SOX6: variants seen among roughly 807,000 people sequenced by gnomAD.
SOX6 encodes the protein transcription factor SOX-6.
A neutral mutation model predicts 97.8 loss-of-function variants in SOX6; 11 were observed. The ratio of observed to expected loss-of-function variants is 0.11; its 90% CI spans 0.07 to 0.19. The LOEUF (loss-of-function observed/expected upper bound fraction) is 0.19. SOX6 is among the 10% of genes least tolerant of loss of function. SOX6 has a pLI of 1.00. For synonymous variants in SOX6, 360 were observed against 371.4 expected (o/e 0.97, Z 0.35); for missense variants, 810 against 1,039.5 (o/e 0.78, Z 3.04).
intron 4 of SOX6, among the ~76,000 whole-genome samples, chr11:16,196,658 C>CT (rs369841668): frequency 3.6e-3 from 539 of 151,088 alleles, no homozygotes; most frequent in Middle Eastern, 0.01. Context: ...CTGTCATACT[C>CT]TTTTTTTTTC....
chr11:16,715,015 A>T (rs945318787), intron 2 of SOX6: 1 of 152,202 alleles, frequency 6.6e-6, no homozygotes, highest in Admixed American at 6.5e-5. Flanking sequence ...TTATTAGAGT[A>T]CATTACAGTG....
intron 9 of SOX6, among the ~76,000 whole-genome samples, chr11:16,079,947 C>T (rs1003021489): frequency 1.3e-5 from 2 of 151,916 alleles, no homozygotes; most frequent in Non-Finnish European, 2.9e-5. Context: ...AATAAGCATA[C>T]AATGTGCTTT....
At chr11:16,027,320 A>C (rs1304064624) in intron 12 of SOX6, among the ~76,000 whole-genome samples, 2 of 152,204 alleles carry the variant, frequency 1.3e-5, no homozygotes, top group African/African-American at 4.8e-5. Flanking sequence ...ATGGAGAAGT[A>C]TATATTAACA....
intron 4 of SOX6, chr11:16,484,283 T>A: frequency 9.0e-7 from 1 of 1,115,146 alleles, no homozygotes; most frequent in Admixed American, 1.7e-5. Flanking sequence ...GGGAACCACA[T>A]TGCCCGACTC....
chr11:16,680,548 A>C (rs531522460), intron 3 of SOX6, among the ~76,000 whole-genome samples: 4 of 152,340 alleles, frequency 2.6e-5, no homozygotes, highest in African/African-American at 9.6e-5. Flanking sequence ...AAACGGCATC[A>C]ATTAATGGCC....
intron 8 of SOX6, 88 bp from the exon 9 acceptor site, chr11:16,096,206 G>T: frequency 6.9e-7 from 1 of 1,450,570 alleles, no homozygotes; most frequent in Non-Finnish European, 9.5e-7. Flanking sequence ...TAAATCCAGG[G>T]TATTGACCAC....
At chr11:16,534,222 GA>G (rs1377184897) in intron 4 of SOX6, among the ~76,000 whole-genome samples, 3 of 151,980 alleles carry the variant, frequency 2.0e-5, no homozygotes, top group Non-Finnish European at 4.4e-5. Context: ...TCTTCATATA[GA>G]AAAACCTAGA....
At position 16,356,326 on chromosome 11, in the gene SOX6, TG is replaced by T. The variant is rs1477581383; in HGVS notation, c.-238del. Among the ~76,000 whole-genome samples, 1 of 151,846 alleles carries T rather than the reference TG, an allele frequency of 6.6e-6. No homozygotes were observed. Among genetic ancestry groups the T allele is most frequent in the Non-Finnish European group, 1.5e-5 (1 of 67,972 alleles). On this transcript the variant is annotated 5_prime_UTR_variant, in exon 1 of 16. Transcript: ENST00000683767. ...ACATCTAATTTGCTAAACAAAACACTGTTAACTTTGTTCAACAATTAAAGGA... is the reference window on the plus strand; with the variant it reads ...ACATCTAATTTGCTAAACAAAACACTTTAACTTTGTTCAACAATTAAAGGA...
chr11:16,319,359 C>CT (rs1332609272), intron 2 of SOX6, among the ~76,000 whole-genome samples: 1 of 152,050 alleles, frequency 6.6e-6, no homozygotes, highest in African/African-American at 2.4e-5. Context: ...TTAAAAATGT[C>CT]TTTTTTTAGT....
chr11:16,402,154 C>G (rs1480373103), intron 1 of SOX6, among the ~76,000 whole-genome samples: 3 of 151,484 alleles, frequency 2.0e-5, no homozygotes, highest in Non-Finnish European at 4.4e-5. Context: ...TGTATTCACT[C>G]TTTTTCTATT....
chr11:16,550,343 A>G (rs1847668866), intron 4 of SOX6, among the ~76,000 whole-genome samples: 1 of 152,272 alleles, frequency 6.6e-6, no homozygotes, highest in Admixed American at 6.5e-5. Context: ...GAGGGATAGC[A>G]TTAGGAGATA....
At chr11:16,528,456 C>T (rs1019083153) in intron 4 of SOX6, among the ~76,000 whole-genome samples, 1 of 152,072 alleles carries the variant, frequency 6.6e-6, no homozygotes, top group African/African-American at 2.4e-5. Context: ...TCCCAGTCCA[C>T]GAATATGTGA....
intron 2 of SOX6, among the ~76,000 whole-genome samples, chr11:16,718,958 CT>C (rs1315954359): frequency 6.9e-6 from 1 of 145,596 alleles, no homozygotes; most frequent in Admixed American, 6.9e-5. Flanking sequence ...ATGGCAAAAC[CT>C]TTCCTTTATT....
At chr11:16,672,775 C>T (rs1163428828) in intron 3 of SOX6, among the ~76,000 whole-genome samples, 2 of 152,088 alleles carry the variant, frequency 1.3e-5, no homozygotes, top group Non-Finnish European at 2.9e-5. Flanking sequence ...TCAAGAGACC[C>T]ATCTCACATG....
rs562749524 is a variant in SOX6, at chr11:16,460,278, G to C, written c.-5+16037C>G. Reference sequence around the variant, plus strand: ...TCCCAAGGACAAATGACTAGGTTTTGTATCAGTAGCCTTTTGCTCCTCTTT... The same window carrying C: ...TCCCAAGGACAAATGACTAGGTTTTCTATCAGTAGCCTTTTGCTCCTCTTT... On this transcript the variant is annotated intron_variant, in intron 1 of 15. Transcript: ENST00000396356. Among the ~76,000 whole-genome samples the C allele has an allele frequency of 1.6e-4, 24 of 152,078 alleles. No homozygotes were observed. In the South Asian group the frequency reaches 4.4e-3, roughly 28 times the overall value.
chr11:16,056,965 C>A (rs961223985), intron 9 of SOX6, among the ~76,000 whole-genome samples: 8 of 152,024 alleles, frequency 5.3e-5, no homozygotes, highest in Admixed American at 4.6e-4. Context: ...AAACAAAAAA[C>A]CAAAACAACA....
intron 12 of SOX6, among the ~76,000 whole-genome samples, chr11:16,044,199 A>G (rs1049310911): frequency 4.7e-4 from 72 of 152,078 alleles, no homozygotes; most frequent in Admixed American, 2.0e-4. Context: ...TTCCCAGGAA[A>G]CCCAAATCTG....
At chr11:16,288,585 T>C (rs879895226) in intron 3 of SOX6, among the ~76,000 whole-genome samples, 4 of 152,018 alleles carry the variant, frequency 2.6e-5, no homozygotes, top group Non-Finnish European at 5.9e-5. Flanking sequence ...TAGTAAGATA[T>C]TTTAGAGCCC....
At chr11:15,996,604 C>A (rs1338524666) in intron 13 of SOX6, among the ~76,000 whole-genome samples, 1 of 151,904 alleles carries the variant, frequency 6.6e-6, no homozygotes, top group Non-Finnish European at 1.5e-5. Flanking sequence ...TGGAACAAGA[C>A]CTTGACTCAA....
Sources: allele counts gnomAD v4.1 joint callset (sites outside exome capture counted in the v4.1 genomes callset), GRCh38; gene constraint gnomAD v4.1.1; transcripts MANE v1.5; gene names NCBI Gene and HGNC (gene_info 2026-07-23, HGNC 2026-07-21).